ITPR2: variants seen among roughly 807,000 people sequenced by gnomAD.
The protein encoded by ITPR2 is inositol 1,4,5-trisphosphate-gated calcium channel ITPR2.
A neutral mutation model predicts 317.1 loss-of-function variants in ITPR2; 207 were observed. The observed-to-expected ratio is 0.65, with a 90% CI of 0.58 to 0.73. ITPR2 has a LOEUF of 0.73. Among genes scored for constraint, ITPR2 ranks in the 30% least tolerant of loss-of-function variants. The pLI, the probability that ITPR2 is intolerant of heterozygous loss-of-function variation, is 0.00. For missense variants in ITPR2, 2,613 were observed against 3,284.0 expected (o/e 0.80, Z 4.99); for synonymous variants, 1,156 against 1,149.1 (o/e 1.01, Z -0.12).
At chr12:26,366,514 A>G (rs1172262301) in intron 55 of ITPR2, among the ~76,000 whole-genome samples, 2 of 152,174 alleles carry the variant, frequency 1.3e-5, no homozygotes, top group African/African-American at 4.8e-5. Flanking sequence ...TAACTCAAAT[A>G]CAATCTACCA....
At chr12:26,665,453 A>C in intron 14 of ITPR2, among the ~76,000 whole-genome samples, 1 of 152,216 alleles carries the variant, frequency 6.6e-6, no homozygotes, top group East Asian at 1.9e-4. Context: ...GGTTAGATTT[A>C]TTAACCCATT....
chr12:26,814,785 T>C (rs1007240166), intron 1 of ITPR2, among the ~76,000 whole-genome samples: 2 of 152,222 alleles, frequency 1.3e-5, no homozygotes, highest in African/African-American at 4.8e-5. Context: ...GGGTAGGGCC[T>C]GAATAATTTT....
chr12:26,376,025 T>C (rs1939330520), intron 55 of ITPR2, among the ~76,000 whole-genome samples: 2 of 152,084 alleles, frequency 1.3e-5, no homozygotes, highest in Non-Finnish European at 2.9e-5. Context: ...ACCTGAGCCT[T>C]GGGAGGCCGA....
intron 9 of ITPR2, among the ~76,000 whole-genome samples, chr12:26,702,183 C>T (rs2137003614): frequency 6.6e-6 from 1 of 152,198 alleles, no homozygotes; most frequent in South Asian, 2.1e-4. Context: ...GTGTGGACAG[C>T]TGTGTCAAAA....
At chr12:26,376,657 G>A (rs1156689150) in intron 55 of ITPR2, among the ~76,000 whole-genome samples, 1 of 151,642 alleles carries the variant, frequency 6.6e-6, no homozygotes, top group Non-Finnish European at 1.5e-5. Flanking sequence ...TCTCTGCAGG[G>A]CTTCCCTTAA....
chr12:26,711,066 T>G (rs1458736979), intron 9 of ITPR2, 107 bp downstream of exon 9: 7 of 680,974 alleles, frequency 1.0e-5, no homozygotes, highest in Admixed American at 2.3e-5. Context: ...ACAATCAAAT[T>G]TGTGTAATGA....
At chr12:26,825,543 C>T (rs868567203) in intron 1 of ITPR2, among the ~76,000 whole-genome samples, 3 of 151,934 alleles carry the variant, frequency 2.0e-5, no homozygotes, top group Admixed American at 6.6e-5. Context: ...TTGTGAAAAG[C>T]GCTACCTGTG....
intron 37 of ITPR2, among the ~76,000 whole-genome samples, chr12:26,507,036 T>C (rs909070712): frequency 1.3e-5 from 2 of 152,196 alleles, no homozygotes; most frequent in Non-Finnish European, 1.5e-5. Context: ...TTAAAAATTA[T>C]ATAAATCTAA....
In ITPR2 at chr12:26,744,386, C is replaced by T. The variant is rs532924979; in HGVS notation, c.164-18621G>A. On this transcript the variant is annotated intron_variant, in intron 2 of 56. Coordinates refer to ENST00000381340, the MANE Select transcript of ITPR2 (RefSeq NM_002223.4). ...CCCTGGATGCTCTCTCCACCTCTGC[C>T]TGTTCCCCAAGATTTCTGCACAGGT... Among the ~76,000 whole-genome samples, 22 of 152,370 alleles carry T rather than the reference C, an allele frequency of 1.4e-4. 1 individual carries two copies. In the South Asian group the frequency reaches 1.7e-3, roughly 11 times the overall value.
At chr12:26,464,739 C>T (rs1356630035) in intron 45 of ITPR2, among the ~76,000 whole-genome samples, 3 of 152,228 alleles carry the variant, frequency 2.0e-5, no homozygotes, top group African/African-American at 7.2e-5. Flanking sequence ...CAAGTCAACA[C>T]AGGCCATGTG....
chr12:26,599,590 A>T (rs1197383518), intron 29 of ITPR2, among the ~76,000 whole-genome samples: 1 of 152,194 alleles, frequency 6.6e-6, no homozygotes, highest in Non-Finnish European at 1.5e-5. Flanking sequence ...TGGCAACAGT[A>T]TTCTTGAGAC....
chr12:26,507,106 T>C (rs1053467462), intron 37 of ITPR2, among the ~76,000 whole-genome samples: 114 of 152,354 alleles, frequency 7.5e-4, no homozygotes, highest in Non-Finnish European at 4.4e-5. Context: ...TACTTTAATA[T>C]GAGCAATTAT....
chr12:26,624,413 T>C, intron 23 of ITPR2, 57 bp from the exon 24 acceptor site: 2 of 1,189,648 alleles, frequency 1.7e-6, no homozygotes, highest in Non-Finnish European at 2.4e-6. Flanking sequence ...GGAGCCATAA[T>C]AGTCATATTA....
intron 37 of ITPR2, among the ~76,000 whole-genome samples, chr12:26,523,461 T>C (rs1010245090): frequency 1.3e-5 from 2 of 152,130 alleles, no homozygotes; most frequent in African/African-American, 4.8e-5. Context: ...CATAGATAAT[T>C]GCATTGAAAA....
intron 48 of ITPR2, among the ~76,000 whole-genome samples, chr12:26,430,431 A>C (rs1409036471): frequency 6.6e-6 from 1 of 152,114 alleles, no homozygotes; most frequent in Non-Finnish European, 1.5e-5. Flanking sequence ...GTCTGGCTAA[A>C]TTTTGTATTG....
intron 55 of ITPR2, among the ~76,000 whole-genome samples, chr12:26,351,165 G>C (rs1020618070): frequency 6.6e-6 from 1 of 152,192 alleles, no homozygotes; most frequent in African/African-American, 2.4e-5. Context: ...CTCTGGGGAC[G>C]GGCACTGGTC....
intron 46 of ITPR2, among the ~76,000 whole-genome samples, chr12:26,440,576 G>A (rs2136731789): frequency 6.6e-6 from 1 of 152,166 alleles, no homozygotes; most frequent in East Asian, 1.9e-4. Flanking sequence ...AATGATATGT[G>A]ATATATTCAA....
At chr12:26,429,197 C>T (rs1941143537) in intron 48 of ITPR2, among the ~76,000 whole-genome samples, 1 of 152,146 alleles carries the variant, frequency 6.6e-6, no homozygotes, top group Non-Finnish European at 1.5e-5. Flanking sequence ...ATCCTGTCAA[C>T]TGTTAAAAGA....
Position 26,615,153 on chromosome 12 carries a change from A to G in ITPR2, c.3462+5970T>C, listed in dbSNP as rs184069149. Among the ~76,000 whole-genome samples the G allele has an allele frequency of 1.6e-3, 249 of 152,348 alleles. 2 individuals are homozygous for G. The highest frequency in any genetic ancestry group is 5.7e-4 in the Non-Finnish European group (39 of 68,028). On this transcript the variant is annotated intron_variant, in intron 26 of 56. Coordinates refer to ENST00000381340, the MANE Select transcript of ITPR2 (RefSeq NM_002223.4). ...AAAAAAGATATGAGCGCATAATCAA[A>G]GATGATCAAAAATATAATGAAACAC...
Sources: allele counts gnomAD v4.1 joint callset (sites outside exome capture counted in the v4.1 genomes callset), GRCh38; gene constraint gnomAD v4.1.1; transcripts MANE v1.5; gene names NCBI Gene and HGNC (gene_info 2026-07-23, HGNC 2026-07-21).